Variants in COL4A5 observed in about 807,000 individuals in gnomAD.
The protein encoded by COL4A5 is collagen type IV alpha 5 chain.
COL4A5 carries 26 observed loss-of-function variants against 130.2 expected under a neutral mutation model. That is an observed-to-expected ratio of 0.20 (90% confidence interval 0.15 to 0.28). The LOEUF (loss-of-function observed/expected upper bound fraction) is 0.28. Ranked by LOEUF, COL4A5 falls within the 10% of genes least tolerant of loss-of-function variation. The pLI, the probability that COL4A5 is intolerant of heterozygous loss-of-function variation, is 1.00. For missense variants in COL4A5, 1,131 were observed against 1,344.3 expected, an observed-to-expected ratio of 0.84 and a Z score of 2.48; for synonymous variants, 496 against 439.6, an observed-to-expected ratio of 1.13 and a Z score of -1.60.
At chrX:108,626,683 T>C (rs2067159736) in intron 36 of COL4A5, 2 of 956,774 alleles carry the variant, frequency 2.1e-6, no homozygotes, top group East Asian at 1.1e-4. Context: ...TGTCCTAATG[T>C]TATTATTAAC....
chrX:108,603,091 A>T, intron 28 of COL4A5, 30 bp downstream of exon 28: 1 of 947,646 alleles, frequency 1.1e-6, no homozygotes, highest in Non-Finnish European at 1.5e-6. Context: ...ATTCCTTCTC[A>T]TTTTCTTATC....
At chrX:108,632,248 C>T (rs754347133) in intron 36 of COL4A5, among the ~76,000 whole-genome samples, 14 of 110,587 alleles carry the variant, frequency 1.3e-4, no homozygotes, top group Middle Eastern at 4.2e-3. Flanking sequence ...ATAAATTCCT[C>T]GACACATAGA....
intron 36 of COL4A5, among the ~76,000 whole-genome samples, chrX:108,631,631 C>T (rs1354799116): frequency 9.0e-6 from 1 of 111,558 alleles, no homozygotes; most frequent in Non-Finnish European, 1.9e-5. Context: ...AACAAACTGT[C>T]TCTCACACCA....
chrX:108,473,633 A>ATATATATATATATTTTTTT, intron 1 of COL4A5, among the ~76,000 whole-genome samples: 38 of 34,554 alleles, frequency 1.1e-3, no homozygotes, highest in Non-Finnish European at 1.7e-3. Context: ...ATATATATAT[A>ATATATATATATATTTTTTT]TTTTTTTTTT....
chrX:108,563,708 A>G (rs2065929680), intron 3 of COL4A5, among the ~76,000 whole-genome samples, 174 bp from the exon 4 acceptor site: 1 of 111,600 alleles, frequency 9.0e-6, no homozygotes, highest in African/African-American at 3.3e-5. Context: ...GGGTCATACA[A>G]TTTACCTCAG....
chrX:108,695,444 A>G lies in COL4A5; in HGVS notation c.4994+5A>G. 2 of 1,209,850 alleles carry G rather than the reference A, an allele frequency of 1.7e-6. No homozygotes were observed. Among genetic ancestry groups the G allele is most frequent in the African/African-American group, 1.7e-5 (1 of 57,729 alleles). ...AGATGTGTCAGACATGTTCAGGTAA[A>G]GTGCTTATAGCTTTAATTCAGGTCC... On this transcript the variant is annotated splice_donor_5th_base_variant and intron_variant, in intron 52 of 52. Transcript: ENST00000328300.
At chrX:108,622,623 A>G in intron 32 of COL4A5, 53 bp from the exon 33 acceptor site, 1 of 1,170,762 alleles carries the variant, frequency 8.5e-7, no homozygotes, top group Non-Finnish European at 1.2e-6. Flanking sequence ...TATATGCATT[A>G]ATCTTTGATG....
chrX:108,463,683 G>A (rs1166029697), intron 1 of COL4A5, among the ~76,000 whole-genome samples: 2 of 111,688 alleles, frequency 1.8e-5, no homozygotes, highest in African/African-American at 6.5e-5. Flanking sequence ...AGGTAACAAA[G>A]GTGTAACATG....
At chrX:108,686,945 A>T (rs1374197235) in intron 48 of COL4A5, among the ~76,000 whole-genome samples, 3 of 112,180 alleles carry the variant, frequency 2.7e-5, no homozygotes, top group Middle Eastern at 4.6e-3. Context: ...TGTTTCTGTG[A>T]AGTTTCCCTA....
At position 108,597,417 on chromosome X, in the gene COL4A5, C is replaced by A. The variant is rs991636161; in HGVS notation, c.1628C>A (p.Ser543Tyr). The part of the protein sequence containing the change: ...GAPGAPGFPG[S>Y]KGEPGDILTF... ...CCAGGTGCTCCAGGCTTTCCTGGAT[C>A]TAAAGGTGAACCTGGTGATATCCTC... is the stretch of plus-strand genomic sequence containing the variant. Residue 543 changes from serine to tyrosine, a missense_variant, in exon 24 of 53, where the codon TCT becomes TAT. Transcript: ENST00000328300. 1 of 1,210,649 alleles carries A rather than the reference C, an allele frequency of 8.3e-7. No individual in the cohort carries two copies. Among genetic ancestry groups the A allele is most frequent in the Non-Finnish European group, 1.1e-6 (1 of 895,094 alleles).
intron 47 of COL4A5, among the ~76,000 whole-genome samples, chrX:108,684,675 C>G (rs1398157607): frequency 8.9e-6 from 1 of 112,619 alleles, no homozygotes; most frequent in Non-Finnish European, 1.9e-5. Flanking sequence ...GCCAGAGGTA[C>G]AAAGTAGAGC....
intron 16 of COL4A5, among the ~76,000 whole-genome samples, 174 bp downstream of exon 16, chrX:108,581,201 T>C (rs1406805751): frequency 8.9e-6 from 1 of 111,769 alleles, no homozygotes; most frequent in Non-Finnish European, 1.9e-5. Flanking sequence ...TTAAAAAATT[T>C]TGTGAGTACA....
chrX:108,657,550 A>G (rs1483991035), intron 37 of COL4A5, among the ~76,000 whole-genome samples: 1 of 111,773 alleles, frequency 8.9e-6, no homozygotes, highest in Non-Finnish European at 1.9e-5. Flanking sequence ...TAAGTTTGCA[A>G]TAACTCTCTA....
intron 1 of COL4A5, among the ~76,000 whole-genome samples, chrX:108,505,252 TAA>T (rs57392649): frequency 1.2e-4 from 12 of 100,869 alleles, no homozygotes; most frequent in Admixed American, 3.2e-4. Flanking sequence ...CGGTGAGGGA[TAA>T]AAAAAAAAAA....
intron 1 of COL4A5, among the ~76,000 whole-genome samples, chrX:108,447,382 A>G (rs940902587): frequency 4.5e-5 from 5 of 111,829 alleles, no homozygotes; most frequent in Non-Finnish European, 9.4e-5. Flanking sequence ...ACCACTCCCA[A>G]TTTGTAACAT....
Position 108,602,992 on chromosome X carries a change from A to G in COL4A5, c.2175A>G (p.Gly725=). The stretch of plus-strand genomic sequence containing the variant: ...TTCCTGGAATTCCAGGACCTCCAGG[A>G]GCACCTGGGACACCTGGAAGAATTG... ...KGFPGIPGPP[G]APGTPGRIGL... is the part of the protein sequence containing the mutation. The change falls in exon 28 of 53, where the codon GGA becomes GGG. Residue 725 remains glycine (G), a synonymous_variant. Transcript: ENST00000328300. 1 of 1,191,059 alleles carries G rather than the reference A, an allele frequency of 8.4e-7. No individual in the cohort carries two copies. Among genetic ancestry groups the G allele is most frequent in the African/African-American group, 1.7e-5 (1 of 57,354 alleles).
chrX:108,695,505 C>G, intron 52 of COL4A5, 66 bp downstream of exon 52: 2 of 1,026,320 alleles, frequency 1.9e-6, no homozygotes, highest in Admixed American at 2.2e-5. Context: ...AAGAAAGAGA[C>G]AATTTATGGA....
intron 36 of COL4A5, among the ~76,000 whole-genome samples, chrX:108,641,885 C>T (rs1367667041): frequency 2.7e-5 from 3 of 111,696 alleles, no homozygotes; most frequent in African/African-American, 9.8e-5. Flanking sequence ...CGAGAAGCCT[C>T]CTGGCCAGAA....
At chrX:108,551,875 C>T (rs2065757914) in intron 2 of COL4A5, among the ~76,000 whole-genome samples, 1 of 111,852 alleles carries the variant, frequency 8.9e-6, no homozygotes, top group African/African-American at 3.2e-5. Context: ...ACTATGCAGC[C>T]ATAAAAAAGA....
Sources: gnomAD v4.1 joint callset for allele counts (sites outside exome capture counted in the v4.1 genomes callset) on GRCh38, gnomAD v4.1.1 for gene constraint, MANE v1.5 for transcripts, NCBI Gene and HGNC (gene_info 2026-07-23, HGNC 2026-07-21) for gene names.